The following PTPRM variants were observed in gnomAD, a reference collection of about 807,000 sequenced individuals.
PTPRM encodes the protein receptor-type tyrosine-protein phosphatase mu.
In PTPRM, 47 loss-of-function variants were observed where a neutral mutation model predicts 186.7. That is an observed-to-expected ratio of 0.25 (90% CI 0.20 to 0.32). The LOEUF (loss-of-function observed/expected upper bound fraction) is 0.32, where lower values mean the gene tolerates loss of function less well. Ranked by LOEUF, PTPRM falls within the 10% of genes least tolerant of loss-of-function variation. The pLI is 1.00. For missense variants in PTPRM, 1,494 were observed against 1,865.0 expected, an observed-to-expected ratio of 0.80 and a Z score of 3.66; for synonymous variants, 668 against 674.9, an observed-to-expected ratio of 0.99 and a Z score of 0.16.
intron 14 of PTPRM, among the ~76,000 whole-genome samples, chr18:8,204,143 G>A (rs2093894864): frequency 6.6e-6 from 1 of 152,070 alleles, no homozygotes; most frequent in East Asian, 1.9e-4. Flanking sequence ...GTAGCTCTCT[G>A]GTTTGTGAGC....
chr18:8,257,519 T>C (rs1197292904), intron 19 of PTPRM, among the ~76,000 whole-genome samples: 1 of 152,188 alleles, frequency 6.6e-6, no homozygotes, highest in African/African-American at 2.4e-5. Context: ...TAAAAGGTAA[T>C]ACCCCAAAAA....
At chr18:7,777,546 G>A (rs1407151313) in intron 2 of PTPRM, among the ~76,000 whole-genome samples, 1 of 152,126 alleles carries the variant, frequency 6.6e-6, no homozygotes, top group East Asian at 1.9e-4. Context: ...AAATGTTGCT[G>A]ATGCCCGTCT....
At chr18:7,900,462 G>A (rs2049603575) in intron 3 of PTPRM, among the ~76,000 whole-genome samples, 1 of 152,154 alleles carries the variant, frequency 6.6e-6, no homozygotes, top group South Asian at 2.1e-4. Flanking sequence ...TCAAAACTAT[G>A]CCGTATCAGT....
intron 1 of PTPRM, among the ~76,000 whole-genome samples, chr18:7,713,697 C>CAAA (rs139119900): frequency 8.6e-6 from 1 of 115,922 alleles, no homozygotes. Flanking sequence ...AAATGGAAAG[C>CAAA]AAAAAAAAAA....
At chr18:8,160,743 T>A (rs118020398) in intron 14 of PTPRM, among the ~76,000 whole-genome samples, 1,529 of 152,344 alleles carry the variant, frequency 0.01, 13 homozygotes, top group Non-Finnish European at 0.016. Context: ...GGACTTAGCA[T>A]TTCCAGGCAG....
chr18:7,746,640 A>G (rs372367920), intron 1 of PTPRM, among the ~76,000 whole-genome samples: 5 of 151,792 alleles, frequency 3.3e-5, no homozygotes, highest in Admixed American at 6.6e-5. Context: ...TAATTTTTGT[A>G]TTTTTAGTAG....
chr18:8,238,152 T>C (rs1207656837), intron 14 of PTPRM, among the ~76,000 whole-genome samples: 1 of 152,238 alleles, frequency 6.6e-6, no homozygotes, highest in Non-Finnish European at 1.5e-5. Context: ...CTTTAAACAT[T>C]AGTTTTAGGA....
At chr18:7,816,390 A>G (rs550735886) in intron 2 of PTPRM, among the ~76,000 whole-genome samples, 179 of 152,320 alleles carry the variant, frequency 1.2e-3, no homozygotes, top group Non-Finnish European at 2.0e-3. Flanking sequence ...TACTTCCCTC[A>G]TATACTTGTA....
At chr18:8,202,716 C>A (rs1000556870) in intron 14 of PTPRM, among the ~76,000 whole-genome samples, 1 of 151,984 alleles carries the variant, frequency 6.6e-6, no homozygotes, top group Non-Finnish European at 1.5e-5. Flanking sequence ...CTTTTTATTT[C>A]TTTACAGATC....
At chr18:7,824,804 C>A (rs1020192320) in intron 2 of PTPRM, among the ~76,000 whole-genome samples, 5 of 152,184 alleles carry the variant, frequency 3.3e-5, no homozygotes, top group Non-Finnish European at 5.9e-5. Context: ...AGCTGACTTA[C>A]AACAGAATTG....
intron 1 of PTPRM, among the ~76,000 whole-genome samples, chr18:7,581,945 A>G (rs2036856786): frequency 6.6e-6 from 1 of 152,070 alleles, no homozygotes; most frequent in Admixed American, 6.6e-5. Flanking sequence ...CAGGCATGGG[A>G]CACCCCACCT....
intron 1 of PTPRM, among the ~76,000 whole-genome samples, chr18:7,651,663 A>G (rs1217161437): frequency 6.6e-6 from 1 of 152,082 alleles, no homozygotes; most frequent in Non-Finnish European, 1.5e-5. Flanking sequence ...AGGATTCCCT[A>G]TTTAATAAAT....
At chr18:8,147,905 G>A (rs1261532755) in intron 14 of PTPRM, among the ~76,000 whole-genome samples, 3 of 152,154 alleles carry the variant, frequency 2.0e-5, no homozygotes, top group Middle Eastern at 3.2e-3. Flanking sequence ...AGATAATCAT[G>A]TGGTTTTTGT....
intron 21 of PTPRM, 127 bp downstream of exon 21, chr18:8,314,984 C>A: frequency 1.7e-6 from 1 of 576,422 alleles, no homozygotes; most frequent in Non-Finnish European, 3.0e-6. Flanking sequence ...GTAAACCCAA[C>A]CATTCTGACA....
At chr18:7,782,110 T>C (rs533230906) in intron 2 of PTPRM, among the ~76,000 whole-genome samples, 1 of 152,162 alleles carries the variant, frequency 6.6e-6, no homozygotes, top group South Asian at 2.1e-4. Context: ...AAAATAACTT[T>C]AGATGATTAT....
chr18:7,902,803 A>G (rs2049766977), intron 3 of PTPRM, among the ~76,000 whole-genome samples: 1 of 147,614 alleles, frequency 6.8e-6, no homozygotes, highest in Non-Finnish European at 1.5e-5. Flanking sequence ...AGAAGTCTAG[A>G]TGGCTCTTCC....
chr18:7,770,675 CGT>C (rs202154214), intron 1 of PTPRM, among the ~76,000 whole-genome samples: 2,660 of 152,256 alleles, frequency 0.017, 18 homozygotes, highest in Non-Finnish European at 0.025. Context: ...TGGGGATATG[CGT>C]GTGTTTGACT....
chr18:8,090,486 CT>C (rs1420169732), intron 11 of PTPRM, among the ~76,000 whole-genome samples: 5 of 152,188 alleles, frequency 3.3e-5, no homozygotes, highest in Non-Finnish European at 1.5e-5. Context: ...GTACTTTGTT[CT>C]TATATGGATA....
intron 1 of PTPRM, among the ~76,000 whole-genome samples, chr18:7,739,050 A>C (rs2040834821): frequency 6.6e-6 from 1 of 152,140 alleles, no homozygotes; most frequent in African/African-American, 2.4e-5. Flanking sequence ...ATTGTCATAT[A>C]AAAATCCACT....
Sources: allele counts gnomAD v4.1 joint callset (sites outside exome capture counted in the v4.1 genomes callset), GRCh38; gene constraint gnomAD v4.1.1; transcripts MANE v1.5; gene names NCBI Gene and HGNC (gene_info 2026-07-23, HGNC 2026-07-21).